NDUFAF6: variants seen among roughly 807,000 people sequenced by gnomAD.
The protein encoded by NDUFAF6 is NADH:ubiquinone oxidoreductase complex assembly factor 6.
A neutral mutation model predicts 40.8 loss-of-function variants in NDUFAF6; 45 were observed. That is an observed-to-expected ratio of 1.10 (90% CI 0.87 to 1.42). NDUFAF6 has a LOEUF of 1.42. Among genes scored for constraint, NDUFAF6 ranks in the 40% most tolerant of loss-of-function variants. NDUFAF6 has a pLI of 0.00. For missense variants in NDUFAF6, 435 were observed against 418.5 expected, an observed-to-expected ratio of 1.04 and a Z score of -0.34; for synonymous variants, 185 against 155.9, an observed-to-expected ratio of 1.19 and a Z score of -1.39.
intron 2 of NDUFAF6, among the ~76,000 whole-genome samples, chr8:94,985,515 ATTTTTTTTTTTTTTTTT>A (rs1200345448): frequency 4.6e-4 from 3 of 6,588 alleles, no homozygotes; most frequent in South Asian, 0.01. Context: ...ATATATATAT[ATTTTTTTTTTTTTTTTT>A]TTTTTTTTTT....
At chr8:94,924,901 C>T (rs1819760846) in intron 1 of NDUFAF6, among the ~76,000 whole-genome samples, 1 of 152,268 alleles carries the variant, frequency 6.6e-6, no homozygotes, top group African/African-American at 2.4e-5. Flanking sequence ...TGCCACCATG[C>T]CTGGCTCATT....
chr8:95,051,536 T>TGGAGACAGGAGTGGGCTTGGC (rs1831431438), intron 7 of NDUFAF6, among the ~76,000 whole-genome samples: 1 of 152,026 alleles, frequency 6.6e-6, no homozygotes, highest in African/African-American at 2.4e-5. Context: ...AATGAAGACA[T>TGGAGACAGGAGTGGGCTTGGC]GGAGACAGGA....
chr8:95,037,540 G>A (rs1358983823), intron 3 of NDUFAF6, among the ~76,000 whole-genome samples: 1 of 152,196 alleles, frequency 6.6e-6, no homozygotes. Context: ...AGAGGCCTAT[G>A]GGGAGAGTCC....
chr8:94,906,926 G>A (rs1021839611), intron 1 of NDUFAF6, among the ~76,000 whole-genome samples: 8 of 152,156 alleles, frequency 5.3e-5, no homozygotes, highest in Non-Finnish European at 7.3e-5. Flanking sequence ...TAATTGCACC[G>A]TCAACATTAT....
intron 2 of NDUFAF6, among the ~76,000 whole-genome samples, chr8:95,011,656 T>G (rs998039116): frequency 2.0e-5 from 3 of 152,196 alleles, no homozygotes; most frequent in Non-Finnish European, 4.4e-5. Flanking sequence ...TAGATCAGAT[T>G]TGGGTTTAGG....
intron 1 of NDUFAF6, among the ~76,000 whole-genome samples, chr8:94,932,263 A>G (rs1376160729): frequency 6.6e-6 from 1 of 152,238 alleles, no homozygotes; most frequent in Non-Finnish European, 1.5e-5. Flanking sequence ...TAAAACCTTC[A>G]AAAACAATAC....
intron 2 of NDUFAF6, chr8:94,988,382 T>C (rs1450794107): frequency 1.3e-5 from 2 of 152,194 alleles, no homozygotes; most frequent in African/African-American, 2.4e-5. Flanking sequence ...TTCTGGTGAC[T>C]CATGACTTGT....
chr8:95,002,719 A>G (rs568064396), intron 2 of NDUFAF6, among the ~76,000 whole-genome samples: 3 of 152,196 alleles, frequency 2.0e-5, no homozygotes, highest in Non-Finnish European at 4.4e-5. Context: ...AGTCTCTGCA[A>G]CTGTAGAGTA....
At chr8:95,047,228 A>T in intron 6 of NDUFAF6, 101 bp downstream of exon 6, 1 of 1,502,968 alleles carries the variant, frequency 6.7e-7, no homozygotes, top group Non-Finnish European at 9.2e-7. Context: ...AATTGCTTTG[A>T]AAGGAATGCT....
intron 9 of NDUFAF6, among the ~76,000 whole-genome samples, chr8:95,065,354 G>A (rs949383221): frequency 1.3e-5 from 2 of 152,252 alleles, no homozygotes; most frequent in East Asian, 1.9e-4. Flanking sequence ...GCTGGTGTCC[G>A]CTGCAGAACT....
rs772632843 is a variant in NDUFAF6 at position 95,045,550 on chromosome 8, AAAT to A, written c.484_486del (p.Asn162del). The A allele has an allele frequency of 6.2e-7, 1 of 1,612,422 alleles. No individual in the cohort carries two copies. The highest frequency in any genetic ancestry group is 1.7e-5 in the Admixed American group (1 of 60,018). On this transcript the variant is annotated inframe_deletion, in exon 5 of 9. Coordinates refer to ENST00000396124, the MANE Select transcript of NDUFAF6 (RefSeq NM_152416.4). ...TTGCATTTTATTTGATGTAGGAAAA[AAAT>A]CTGGATGACAAAGCATATCGTAATA...
At position 95,035,380 on chromosome 8, in the gene NDUFAF6, A is replaced by G. The variant is rs79590109; in HGVS notation, c.298-74A>G. 5,157 of 1,539,300 alleles carry G rather than the reference A, an allele frequency of 3.4e-3. 146 individuals are homozygous for G. The African/African-American group carries it at 0.061, about 18-fold the overall frequency. Reference sequence around the variant, plus strand: ...TACAGAACAGTTACATTAACTCAAAAAATTCCCTCAAAGATACTGATTTTT... The same window carrying G: ...TACAGAACAGTTACATTAACTCAAAGAATTCCCTCAAAGATACTGATTTTT... On this transcript the variant is annotated intron_variant, in intron 2 of 8. Transcript: ENST00000396124.
intron 5 of NDUFAF6, 119 bp downstream of exon 5, chr8:95,045,766 T>C (rs977040398): frequency 1.4e-5 from 10 of 716,262 alleles, no homozygotes; most frequent in South Asian, 1.4e-4. Flanking sequence ...ATACTATCTG[T>C]AAAGGAACAG....
At chr8:94,967,710 G>T (rs1489609896) in intron 1 of NDUFAF6, among the ~76,000 whole-genome samples, 2 of 152,014 alleles carry the variant, frequency 1.3e-5, no homozygotes, top group African/African-American at 4.8e-5. Flanking sequence ...GGAGGCCGAG[G>T]TGGGTGGATC....
intron 2 of NDUFAF6, among the ~76,000 whole-genome samples, chr8:95,086,647 G>T (rs1160743650): frequency 6.8e-6 from 1 of 147,910 alleles, no homozygotes; most frequent in African/African-American, 2.5e-5. Flanking sequence ...TGTTGCCCAG[G>T]CTGGAGTGCA....
At chr8:94,946,612 G>A (rs564737806) in intron 2 of NDUFAF6, among the ~76,000 whole-genome samples, 99 of 144,268 alleles carry the variant, frequency 6.9e-4, no homozygotes, top group Admixed American at 1.5e-3. Context: ...TAGGAGGATC[G>A]CTTGAGCCCA....
intron 2 of NDUFAF6, among the ~76,000 whole-genome samples, chr8:95,101,591 A>G (rs12543162): frequency 0.53 from 81,238 of 152,078 alleles, 23,796 homozygotes; most frequent in East Asian, 1. Flanking sequence ...GACAAATTAT[A>G]TTACAGTCAT....
chr8:95,091,567 A>G (rs1489730220), intron 2 of NDUFAF6, among the ~76,000 whole-genome samples: 2 of 151,870 alleles, frequency 1.3e-5, no homozygotes, highest in Non-Finnish European at 2.9e-5. Context: ...TTCCAAAAAA[A>G]CCTTGTCAGT....
Position 95,057,838 on chromosome 8 carries a change from T to A in NDUFAF6, c.903T>A (p.Ile301=), listed in dbSNP as rs1832386918. 2 of 1,612,530 alleles carry A rather than the reference T, an allele frequency of 1.2e-6. No individual in the cohort carries two copies. The highest frequency in any genetic ancestry group is 1.7e-6 in the Non-Finnish European group (2 of 1,178,878). Residue 301 remains isoleucine, a synonymous_variant, in exon 9 of 9, where the codon ATT becomes ATA. Transcript: ENST00000396124. ...CTCTAGAGGACTTTCTAAAGAAAAT[T>A]CAGCGAGTGGATTTTGATATATTCC... ...TVSLEDFLKK[I]QRVDFDIFHP... is the part of the protein sequence containing the mutation.
Sources: gnomAD v4.1 joint callset for allele counts (sites outside exome capture counted in the v4.1 genomes callset) on GRCh38, gnomAD v4.1.1 for gene constraint, MANE v1.5 for transcripts, NCBI Gene and HGNC (gene_info 2026-07-23, HGNC 2026-07-21) for gene names.